The following APP variants were observed in gnomAD, a reference collection of about 807,000 sequenced individuals.
APP encodes amyloid beta precursor protein, also known as amyloid-beta precursor protein.
APP carries 31 observed loss-of-function variants against 101.4 expected under a neutral mutation model. The ratio of observed to expected loss-of-function variants is 0.31; its 90% CI spans 0.23 to 0.41. The LOEUF (loss-of-function observed/expected upper bound fraction) is 0.41. Ranked by LOEUF, APP falls within the 10% of genes least tolerant of loss-of-function variation. The probability of loss-of-function intolerance (pLI) is 1.00; values close to 1 mark genes in which losing one functional copy is unlikely to be tolerated. For missense variants in APP, 839 were observed against 1,003.7 expected (o/e 0.84, Z 2.22); for synonymous variants, 366 against 364.4 (o/e 1.00, Z -0.05).
chr21:25,994,935 C>G (rs2042996331), intron 8 of APP, among the ~76,000 whole-genome samples: 1 of 152,210 alleles, frequency 6.6e-6, no homozygotes. Context: ...CAAAACCCTT[C>G]ACTTGCTGTG....
At chr21:25,969,347 CAAAAAAAAAA>C (rs60834302) in intron 11 of APP, among the ~76,000 whole-genome samples, 7 of 55,656 alleles carry the variant, frequency 1.3e-4, no homozygotes, top group Admixed American at 1.3e-3. Context: ...GACTCTGTCT[CAAAAAAAAAA>C]AAAAAAAAAA....
intron 1 of APP, among the ~76,000 whole-genome samples, chr21:26,147,678 A>G (rs183320081): frequency 8.5e-5 from 13 of 152,336 alleles, no homozygotes; most frequent in Admixed American, 7.8e-4. Flanking sequence ...GTTCCCACAG[A>G]GCAACTGTTA....
In APP at chr21:25,983,603, G is replaced by A. The variant is rs549035105; in HGVS notation, c.1091-1126C>T. On this transcript the variant is annotated intron_variant, in intron 8 of 17. Transcript: ENST00000346798. The stretch of plus-strand genomic sequence containing the variant: ...GTCTTCAAAGATATTAACTAAAACC[G>A]GAAGGCTGTTAAATAATTAAACAGT... Among the ~76,000 whole-genome samples, 23 of 152,242 alleles carry A rather than the reference G, an allele frequency of 1.5e-4. No individual in the cohort carries two copies. The East Asian group carries it at 1.9e-3, about 13-fold the overall frequency.
At chr21:25,915,583 T>C in intron 13 of APP, among the ~76,000 whole-genome samples, 1 of 152,258 alleles carries the variant, frequency 6.6e-6, no homozygotes, top group East Asian at 1.9e-4. Context: ...TCTTCCACCC[T>C]TGTGGATTTG....
At chr21:25,974,676 T>C (rs950722316) in intron 11 of APP, among the ~76,000 whole-genome samples, 14 of 152,212 alleles carry the variant, frequency 9.2e-5, no homozygotes, top group African/African-American at 3.4e-4. Context: ...CTGTTGCTGA[T>C]AAGGTACCCA....
chr21:26,168,123 GT>G (rs1325705747), intron 1 of APP, among the ~76,000 whole-genome samples: 7 of 152,016 alleles, frequency 4.6e-5, no homozygotes, highest in Admixed American at 3.3e-4. Context: ...AAATATTAGG[GT>G]AGTGAAACAT....
At chr21:25,904,732 TTTTG>T (rs758502544) in intron 15 of APP, among the ~76,000 whole-genome samples, 38 of 151,938 alleles carry the variant, frequency 2.5e-4, no homozygotes, top group African/African-American at 9.7e-5. Flanking sequence ...TTTTGTTTTG[TTTTG>T]TTTGTTTTAA....
intron 5 of APP, among the ~76,000 whole-genome samples, chr21:26,022,715 T>C (rs1341191406): frequency 6.6e-6 from 1 of 152,192 alleles, no homozygotes; most frequent in Non-Finnish European, 1.5e-5. Flanking sequence ...TGCCGTATTA[T>C]GGGAATTACT....
intron 3 of APP, among the ~76,000 whole-genome samples, chr21:26,084,253 T>TTC: frequency 9.0e-6 from 1 of 110,644 alleles, no homozygotes; most frequent in Non-Finnish European, 2.0e-5. Flanking sequence ...TTTTTTTTTT[T>TTC]TTTGAGACTG....
chr21:25,892,009 C>A, intron 16 of APP, 141 bp from the exon 17 acceptor site: 2 of 730,940 alleles, frequency 2.7e-6, no homozygotes, highest in South Asian at 1.9e-5. Context: ...AGTATATTCT[C>A]TGCCCAACTG....
intron 16 of APP, among the ~76,000 whole-genome samples, chr21:25,893,462 T>C (rs1461171909): frequency 6.6e-6 from 1 of 152,208 alleles, no homozygotes; most frequent in African/African-American, 2.4e-5. Context: ...AGAAAAGCTC[T>C]TGAAGGAGAT....
At chr21:25,993,389 T>C (rs1462104655) in intron 8 of APP, among the ~76,000 whole-genome samples, 2 of 152,216 alleles carry the variant, frequency 1.3e-5, no homozygotes, top group Admixed American at 6.5e-5. Flanking sequence ...CCTGGGATTC[T>C]AGGAAACTAA....
At chr21:25,930,391 G>A (rs2040090702) in intron 13 of APP, among the ~76,000 whole-genome samples, 1 of 152,130 alleles carries the variant, frequency 6.6e-6, no homozygotes, top group Non-Finnish European at 1.5e-5. Flanking sequence ...CATTCTAATT[G>A]ATTCATGTTG....
At chr21:25,923,276 C>A (rs2039713664) in intron 13 of APP, among the ~76,000 whole-genome samples, 1 of 142,094 alleles carries the variant, frequency 7.0e-6, no homozygotes, top group South Asian at 2.3e-4. Flanking sequence ...CCATAAAAAC[C>A]CTAGAAGAAA....
chr21:26,066,980 A>G (rs1298095942), intron 3 of APP, among the ~76,000 whole-genome samples: 1 of 152,208 alleles, frequency 6.6e-6, no homozygotes, highest in African/African-American at 2.4e-5. Context: ...CATCTCTGCT[A>G]CTGCTGAGTA....
In APP at chr21:26,126,160, GAGA is replaced by G. The variant is rs1369951815; in HGVS notation, c.58-14017_58-14015del. On this transcript the variant is annotated intron_variant, in intron 1 of 17. Transcript: ENST00000346798. Reference sequence around the variant, plus strand: ...TCACAAACTTGTTCAAATAAACTAAGAGAAGAACACAACTGTGATCGCAAAACA... The same window carrying G: ...TCACAAACTTGTTCAAATAAACTAAGAGAACACAACTGTGATCGCAAAACA... 7.9e-5 allele frequency among the ~76,000 whole-genome samples: 12 copies of G among 152,302 alleles called. No individual in the cohort carries two copies. In the East Asian group the frequency reaches 2.1e-3, roughly 27 times the overall value.
intron 3 of APP, among the ~76,000 whole-genome samples, chr21:26,075,948 C>T (rs2061490496): frequency 6.6e-6 from 1 of 152,122 alleles, no homozygotes; most frequent in Admixed American, 6.5e-5. Context: ...GGCTGGCGTG[C>T]AGTGGCGCGA....
chr21:26,068,100 T>C (rs776434654), intron 3 of APP: 2 of 152,156 alleles, frequency 1.3e-5, no homozygotes, highest in Admixed American at 1.3e-4. Flanking sequence ...AAGGTAAAAA[T>C]ATACAGCATG....
intron 13 of APP, among the ~76,000 whole-genome samples, chr21:25,938,344 A>G (rs1359023032): frequency 6.6e-6 from 1 of 152,116 alleles, no homozygotes; most frequent in African/African-American, 2.4e-5. Flanking sequence ...GGAAGCAGGG[A>G]GGATCTCTGC....
Sources: gnomAD v4.1 joint callset for allele counts (sites outside exome capture counted in the v4.1 genomes callset) on GRCh38, gnomAD v4.1.1 for gene constraint, MANE v1.5 for transcripts, NCBI Gene and HGNC (gene_info 2026-07-23, HGNC 2026-07-21) for gene names.